Variants in SCN8A observed in about 807,000 individuals in gnomAD.
SCN8A encodes the protein sodium channel protein type 8 subunit alpha.
A neutral mutation model predicts 184.1 loss-of-function variants in SCN8A; 30 were observed. The ratio of observed to expected loss-of-function variants is 0.16; its 90% CI spans 0.12 to 0.22. The LOEUF (loss-of-function observed/expected upper bound fraction) is 0.22. Among genes scored for constraint, SCN8A ranks in the 10% least tolerant of loss-of-function variants. The pLI is 1.00. For synonymous variants in SCN8A, 852 were observed against 907.0 expected (o/e 0.94, Z 1.09); for missense variants, 1,057 against 2,498.9 (o/e 0.42, Z 12.30).
intron 1 of SCN8A, among the ~76,000 whole-genome samples, chr12:51,598,223 C>T (rs1185138946): frequency 6.6e-6 from 1 of 152,194 alleles, no homozygotes; most frequent in East Asian, 1.9e-4. Context: ...AGGTGAATGA[C>T]AGAGTGAAAA....
intron 1 of SCN8A, among the ~76,000 whole-genome samples, chr12:51,596,498 A>G (rs1190773920): frequency 6.6e-6 from 1 of 152,184 alleles, no homozygotes; most frequent in Non-Finnish European, 1.5e-5. Flanking sequence ...TTATATTCTG[A>G]TGTTCATATA....
At chr12:51,780,186 G>C (rs1291604102) in intron 20 of SCN8A, 4 of 455,948 alleles carry the variant, frequency 8.8e-6, no homozygotes, top group South Asian at 4.7e-5. Context: ...GTATTTATCT[G>C]TATTCTTTTC....
At chr12:51,615,860 G>A (rs939576208) in intron 1 of SCN8A, among the ~76,000 whole-genome samples, 1 of 152,064 alleles carries the variant, frequency 6.6e-6, no homozygotes, top group African/African-American at 2.4e-5. Flanking sequence ...TAGGACTATA[G>A]GTGCATGTCA....
At chr12:51,624,007 A>G (rs1255386349) in intron 1 of SCN8A, among the ~76,000 whole-genome samples, 2 of 152,168 alleles carry the variant, frequency 1.3e-5, no homozygotes, top group Non-Finnish European at 2.9e-5. Context: ...AATCCAGTCT[A>G]TCATTGTTGG....
intron 2 of SCN8A, among the ~76,000 whole-genome samples, chr12:51,668,361 G>A (rs1225788313): frequency 6.6e-6 from 1 of 152,098 alleles, no homozygotes; most frequent in Non-Finnish European, 1.5e-5. Flanking sequence ...ATGAGGTGAA[G>A]TACTTTGTCA....
In SCN8A at chr12:51,812,354, C is replaced by A; in HGVS notation, c.*4925C>A. ...GCCTTGGGCAAGTCACTTAACCTCT[C>A]TGTGCCTCAGTTTCCCCATCTGTAA... On this transcript the variant is annotated 3_prime_UTR_variant, in exon 27 of 27. Transcript: ENST00000627620. The A allele has an allele frequency of 6.3e-6, 1 of 159,560 alleles. No homozygotes were observed. Among genetic ancestry groups the A allele is most frequent in the South Asian group, 1.7e-4 (1 of 5,922 alleles). 9.9% of individuals were successfully genotyped at this position (159,560 alleles called of 1,614,324 possible).
chr12:51,638,957 C>G (rs1403515671), intron 1 of SCN8A, among the ~76,000 whole-genome samples: 1 of 152,036 alleles, frequency 6.6e-6, no homozygotes, highest in African/African-American at 2.4e-5. Flanking sequence ...TGAGAGGTTG[C>G]TTTTTATGGA....
chr12:51,727,867 T>C (rs995329757), intron 12 of SCN8A, among the ~76,000 whole-genome samples: 4 of 152,048 alleles, frequency 2.6e-5, no homozygotes, highest in Non-Finnish European at 4.4e-5. Flanking sequence ...GGAGAATCAC[T>C]TGAACCTAGG....
rs1182091788 is a variant in SCN8A, at chr12:51,591,235, G to C, written c.-179G>C. 6.6e-6 allele frequency: 1 copy of C among 151,300 alleles called. No individual in the cohort carries two copies. Among genetic ancestry groups the C allele is most frequent in the Non-Finnish European group, 1.5e-5 (1 of 67,660 alleles). The allele number at this position is 151,300 out of a possible 1,614,324, so 9.4% of individuals were successfully genotyped here. On this transcript the variant is annotated 5_prime_UTR_variant, in exon 1 of 27. Coordinates refer to ENST00000627620, the MANE Select transcript of SCN8A (RefSeq NM_001330260.2). ...CGGGCGGTGCGGGGGGCGGGCGCGGGGAGCGCTCCAAGATGGCGCCCACCG... is the reference window on the plus strand; with the variant it reads ...CGGGCGGTGCGGGGGGCGGGCGCGGCGAGCGCTCCAAGATGGCGCCCACCG...
At chr12:51,652,785 T>C (rs1279458118) in intron 1 of SCN8A, among the ~76,000 whole-genome samples, 1 of 152,218 alleles carries the variant, frequency 6.6e-6, no homozygotes, top group Non-Finnish European at 1.5e-5. Context: ...GTTAGATGTC[T>C]TGCTTGTATA....
At chr12:51,616,583 C>T (rs1939843115) in intron 1 of SCN8A, among the ~76,000 whole-genome samples, 1 of 152,010 alleles carries the variant, frequency 6.6e-6, no homozygotes. Flanking sequence ...TGCACCCCAG[C>T]CTGGGCAACA....
chr12:51,769,769 C>T lies in SCN8A; in HGVS notation c.3373-99C>T, dbSNP rs1454476739. ...TGTAGTAAGAATTCTAGAGAGGAGT[C>T]AGAGCTGGCCCCTCATCCCCACCAG... On this transcript the variant is annotated intron_variant, in intron 17 of 26. Transcript: ENST00000627620. The T allele has an allele frequency of 3.8e-6, 3 of 783,636 alleles. No homozygotes were observed. In the Admixed American group the frequency reaches 6.3e-5, roughly 16 times the overall value. 48.5% of individuals were successfully genotyped at this position (783,636 alleles called of 1,614,324 possible).
chr12:51,662,827 C>T lies in SCN8A; in HGVS notation c.10C>T (p.Arg4Trp), dbSNP rs1940949996. MAA[R>W]LLAPPGPDSF... ...GCTGCAGGATGAGAAGATGGCAGCG[C>T]GGCTGCTTGCACCACCAGGCCCTGA... The change falls in exon 2 of 27, where the codon CGG (arginine) becomes TGG (tryptophan). Residue 4 changes from arginine (R) to tryptophan (W), a missense_variant. Coordinates refer to ENST00000627620, the MANE Select transcript of SCN8A (RefSeq NM_001330260.2). 3 of 1,613,736 alleles carry T rather than the reference C, an allele frequency of 1.9e-6. No homozygotes were observed. The highest frequency in any genetic ancestry group is 1.7e-6 in the Non-Finnish European group (2 of 1,179,780).
intron 12 of SCN8A, 180 bp downstream of exon 12, chr12:51,722,088 C>T: frequency 1.1e-6 from 1 of 880,610 alleles, no homozygotes; most frequent in Non-Finnish European, 1.7e-6. Context: ...TCTTCCTGGC[C>T]TATTTCTATT....
At chr12:51,667,408 T>A (rs1250682603) in intron 2 of SCN8A, among the ~76,000 whole-genome samples, 1 of 152,122 alleles carries the variant, frequency 6.6e-6, no homozygotes, top group Non-Finnish European at 1.5e-5. Context: ...AACTCCAAGT[T>A]GGAGTGCAGT....
In SCN8A at chr12:51,770,605, A is replaced by G. The variant is rs758983046; in HGVS notation, c.3567A>G (p.Lys1189=). 6.2e-7 allele frequency: 1 copy of G among 1,613,960 alleles called. No individual in the cohort carries two copies. The highest frequency in any genetic ancestry group is 8.5e-7 in the Non-Finnish European group (1 of 1,179,928). Residue 1189 remains lysine, a synonymous_variant, in exon 19 of 27, where the codon AAA becomes AAG. Coordinates refer to ENST00000627620, the MANE Select transcript of SCN8A (RefSeq NM_001330260.2). ...GCAAGTCTTGGTGGATCCTGCGGAA[A>G]ACCTGCTTCCTCATCGTGGAGCACA... ...GLGKSWWILR[K]TCFLIVEHNW... is the part of the protein sequence containing the mutation.
intron 13 of SCN8A, among the ~76,000 whole-genome samples, chr12:51,746,526 C>G (rs1466388883): frequency 1.3e-5 from 2 of 152,222 alleles, no homozygotes; most frequent in East Asian, 3.8e-4. Flanking sequence ...AGTTCTGTCT[C>G]TCTTCAAACA....
chr12:51,767,158 T>C (rs899453785), intron 16 of SCN8A, among the ~76,000 whole-genome samples: 1 of 152,240 alleles, frequency 6.6e-6, no homozygotes, highest in Non-Finnish European at 1.5e-5. Context: ...CTAATCCCTC[T>C]AGTCTTCTCA....
intron 5 of SCN8A, among the ~76,000 whole-genome samples, chr12:51,688,463 C>T (rs1592380415): frequency 6.6e-6 from 1 of 152,314 alleles, no homozygotes; most frequent in East Asian, 1.9e-4. Flanking sequence ...ACCTCCTGGC[C>T]TTCCTTTTTA....
Sources: gnomAD v4.1 joint callset for allele counts (sites outside exome capture counted in the v4.1 genomes callset) on GRCh38, gnomAD v4.1.1 for gene constraint, MANE v1.5 for transcripts, NCBI Gene and HGNC (gene_info 2026-07-23, HGNC 2026-07-21) for gene names.